LHFPL3: variants seen among roughly 807,000 people sequenced by gnomAD.
LHFPL3 encodes LHFPL tetraspan subfamily member 3.
A neutral mutation model predicts 19.3 loss-of-function variants in LHFPL3; 5 were observed. The ratio of observed to expected loss-of-function variants is 0.26; its 90% CI spans 0.14 to 0.54. LHFPL3 has a LOEUF of 0.54. Among genes scored for constraint, LHFPL3 ranks in the 20% least tolerant of loss-of-function variants. The probability of loss-of-function intolerance (pLI) is 0.94; values close to 1 mark genes in which losing one functional copy is unlikely to be tolerated. For missense variants in LHFPL3, 249 were observed against 307.4 expected (o/e 0.81, Z 1.42); for synonymous variants, 133 against 126.2 (o/e 1.05, Z -0.36).
chr7:104,382,944 C>CCTTTAAATTACTTTACTG (rs1790857364), intron 1 of LHFPL3, among the ~76,000 whole-genome samples: 4 of 151,788 alleles, frequency 2.6e-5, no homozygotes, highest in Non-Finnish European at 4.4e-5. Context: ...GCCAGTCACT[C>CCTTTAAATTACTTTACTG]TTCACAGTAG....
intron 1 of LHFPL3, among the ~76,000 whole-genome samples, chr7:104,393,002 G>A (rs1263355758): frequency 1.3e-5 from 2 of 152,090 alleles, no homozygotes; most frequent in East Asian, 3.9e-4. Context: ...TTAAAAATGA[G>A]CATAGGATCT....
chr7:104,846,896 C>G (rs1464047240), intron 2 of LHFPL3, among the ~76,000 whole-genome samples: 1 of 152,186 alleles, frequency 6.6e-6, no homozygotes, highest in Non-Finnish European at 1.5e-5. Flanking sequence ...GCTGAGTAAC[C>G]TCAGGCTGTT....
chr7:104,774,593 G>A (rs1794611376), intron 2 of LHFPL3, among the ~76,000 whole-genome samples: 1 of 152,192 alleles, frequency 6.6e-6, no homozygotes, highest in Admixed American at 6.5e-5. Flanking sequence ...TTTTCTAGTG[G>A]TTAAATCTCA....
rs558667218 is a variant in LHFPL3, at chr7:104,493,398, T to G, written c.445+164174T>G. On this transcript the variant is annotated intron_variant, in intron 1 of 2. Coordinates refer to ENST00000424859, the MANE Select transcript of LHFPL3 (RefSeq NM_199000.3). ...TGAAATGTCATCTAGTATCAGAGTT[T>G]CATTGTCTTCTCTCTGTGATGGCCT... 2.6e-5 allele frequency among the ~76,000 whole-genome samples: 4 copies of G among 152,002 alleles called. No homozygotes were observed. In the South Asian group the frequency reaches 8.4e-4, roughly 32 times the overall value.
At chr7:104,769,570 T>C (rs963469243) in intron 2 of LHFPL3, among the ~76,000 whole-genome samples, 7 of 152,186 alleles carry the variant, frequency 4.6e-5, no homozygotes, top group South Asian at 2.1e-4. Context: ...CAACCCGTCA[T>C]CTACATTAGG....
intron 2 of LHFPL3, among the ~76,000 whole-genome samples, chr7:104,741,603 A>G (rs1354391211): frequency 6.6e-6 from 1 of 151,658 alleles, no homozygotes; most frequent in African/African-American, 2.4e-5. Context: ...TGACACGATC[A>G]TAGCTCACTA....
chr7:104,646,472 T>G (rs1330343085), intron 1 of LHFPL3, among the ~76,000 whole-genome samples: 1 of 152,218 alleles, frequency 6.6e-6, no homozygotes, highest in African/African-American at 2.4e-5. Flanking sequence ...AAATAGGATG[T>G]AAGAATTGGC....
intron 1 of LHFPL3, among the ~76,000 whole-genome samples, chr7:104,662,861 T>G (rs1174061237): frequency 6.6e-6 from 1 of 152,188 alleles, no homozygotes; most frequent in Non-Finnish European, 1.5e-5. Flanking sequence ...TTTAAAGTCT[T>G]AAGTCAAAAT....
intron 1 of LHFPL3, among the ~76,000 whole-genome samples, chr7:104,603,074 CTTTCTTTCTTTCTT>C (rs1562947431): frequency 3.4e-5 from 2 of 58,500 alleles, no homozygotes; most frequent in African/African-American, 1.1e-4. Flanking sequence ...CTTTTTCTTT[CTTTCTTTCTTTCTT>C]TCTTTCTTTC....
chr7:104,525,613 T>G (rs10267714), intron 1 of LHFPL3, among the ~76,000 whole-genome samples: 19,633 of 68,952 alleles, frequency 0.28, 1,478 homozygotes, highest in Middle Eastern at 0.36. Flanking sequence ...TGGGTTTTTT[T>G]TTTTTTTTTT....
intron 1 of LHFPL3, among the ~76,000 whole-genome samples, chr7:104,615,963 A>C (rs1355977283): frequency 6.6e-6 from 1 of 152,194 alleles, no homozygotes; most frequent in Non-Finnish European, 1.5e-5. Context: ...GAGAACTACA[A>C]ACCACTGCTC....
At chr7:104,614,236 T>C (rs190730502) in intron 1 of LHFPL3, among the ~76,000 whole-genome samples, 2 of 152,326 alleles carry the variant, frequency 1.3e-5, no homozygotes, top group African/African-American at 4.8e-5. Flanking sequence ...TTCTGTCTGC[T>C]ATATGCCATC....
chr7:104,637,334 T>C (rs1187294018), intron 1 of LHFPL3, among the ~76,000 whole-genome samples: 1 of 152,204 alleles, frequency 6.6e-6, no homozygotes, highest in African/African-American at 2.4e-5. Context: ...AACAGTTGTC[T>C]CTTTACTCTT....
At chr7:104,514,096 C>T (rs1433116331) in intron 1 of LHFPL3, among the ~76,000 whole-genome samples, 1 of 152,074 alleles carries the variant, frequency 6.6e-6, no homozygotes, top group Non-Finnish European at 1.5e-5. Flanking sequence ...CCTCCCTGGC[C>T]GTTTTTCAGC....
At chr7:104,552,586 G>T (rs1794681732) in intron 1 of LHFPL3, among the ~76,000 whole-genome samples, 2 of 152,166 alleles carry the variant, frequency 1.3e-5, no homozygotes, top group South Asian at 4.1e-4. Context: ...AATCACCATT[G>T]CTTTTGAGTT....
Position 104,597,697 on chromosome 7 carries a change from A to G in LHFPL3, c.446-138978A>G, listed in dbSNP as rs566151331. On this transcript the variant is annotated intron_variant, in intron 1 of 2. Coordinates refer to ENST00000424859, the MANE Select transcript of LHFPL3 (RefSeq NM_199000.3). ...TTCTGACTGGAATTTTCCTATTTCA[A>G]TCAATATATGCAACTGCTTTGCATA... Among the ~76,000 whole-genome samples the G allele has an allele frequency of 5.9e-5, 9 of 152,358 alleles. No individual in the cohort carries two copies. In the East Asian group the frequency reaches 7.7e-4, roughly 13 times the overall value.
intron 1 of LHFPL3, among the ~76,000 whole-genome samples, chr7:104,601,059 C>G (rs1418277666): frequency 6.6e-6 from 1 of 152,190 alleles, no homozygotes; most frequent in Non-Finnish European, 1.5e-5. Context: ...TTCTAATGCT[C>G]TTTCCGTTAA....
chr7:104,403,228 C>T (rs1791350415), intron 1 of LHFPL3, among the ~76,000 whole-genome samples: 1 of 152,182 alleles, frequency 6.6e-6, no homozygotes, highest in Non-Finnish European at 1.5e-5. Context: ...CCTACTCAGT[C>T]TTTGAAACTT....
At chr7:104,711,446 T>C (rs1209713356) in intron 1 of LHFPL3, among the ~76,000 whole-genome samples, 1 of 152,146 alleles carries the variant, frequency 6.6e-6, no homozygotes, top group African/African-American at 2.4e-5. Context: ...CCCAAATGAT[T>C]CCAAAGTTAG....
Sources: gnomAD v4.1 joint callset for allele counts (sites outside exome capture counted in the v4.1 genomes callset) on GRCh38, gnomAD v4.1.1 for gene constraint, MANE v1.5 for transcripts, NCBI Gene and HGNC (gene_info 2026-07-23, HGNC 2026-07-21) for gene names.